TRMT11: variants seen among roughly 807,000 people sequenced by gnomAD.
TRMT11 encodes the protein tRNA (guanine(10)-N(2))-methyltransferase TRMT11.
In TRMT11, 53 loss-of-function variants were observed where a neutral mutation model predicts 62.8. That is an observed-to-expected ratio of 0.84 (90% CI 0.68 to 1.06). TRMT11 has a LOEUF of 1.06. Ranked by LOEUF, TRMT11 falls within the 50% of genes least tolerant of loss-of-function variation. The pLI, the probability that TRMT11 is intolerant of heterozygous loss-of-function variation, is 0.00. For synonymous variants in TRMT11, 188 were observed against 190.3 expected (o/e 0.99, Z 0.10); for missense variants, 556 against 553.4 (o/e 1.00, Z -0.05).
chr6:126,204,842 C>T (rs1778774559), downstream of TRMT11, among the ~76,000 whole-genome samples: 1 of 152,184 alleles, frequency 6.6e-6, no homozygotes, highest in Non-Finnish European at 1.5e-5. Flanking sequence ...AGGGATTAGT[C>T]AGCACATTGG....
At chr6:126,113,358 T>C (rs561410262) in intron 18 of TRMT11, among the ~76,000 whole-genome samples, 1 of 152,222 alleles carries the variant, frequency 6.6e-6, no homozygotes, top group Non-Finnish European at 1.5e-5. Context: ...GAGGCTAGTT[T>C]AATTTGTGAG....
At chr6:126,171,552 G>T (rs1365728180) in intron 21 of TRMT11, among the ~76,000 whole-genome samples, 2 of 151,930 alleles carry the variant, frequency 1.3e-5, no homozygotes, top group Non-Finnish European at 2.9e-5. Context: ...TTGAAACCAA[G>T]ATTTTTTTTT....
intron 17 of TRMT11, among the ~76,000 whole-genome samples, chr6:126,064,356 G>C (rs1035942645): frequency 1.3e-5 from 2 of 152,104 alleles, no homozygotes; most frequent in Non-Finnish European, 2.9e-5. Context: ...CTTGTAAACA[G>C]CTCCAGAAGG....
intron 17 of TRMT11, among the ~76,000 whole-genome samples, chr6:126,087,798 A>C (rs1025102075): frequency 1.3e-5 from 2 of 152,220 alleles, no homozygotes; most frequent in South Asian, 2.1e-4. Flanking sequence ...GAAATGCTGA[A>C]GTTTCTTCCT....
chr6:126,269,326 A>G, the TRMT11 span, among the ~76,000 whole-genome samples: 1 of 147,214 alleles, frequency 6.8e-6, no homozygotes, highest in African/African-American at 2.4e-5. Context: ...AGAAAAAAAT[A>G]TTTTCAAATT....
downstream of TRMT11, among the ~76,000 whole-genome samples, chr6:126,205,190 G>A (rs1356327824): frequency 6.6e-6 from 1 of 152,114 alleles, no homozygotes; most frequent in African/African-American, 2.4e-5. Context: ...TTATTTTCTT[G>A]CTCTCTAAAG....
intron 1 of TRMT11, among the ~76,000 whole-genome samples, chr6:126,188,947 A>G (rs1778559873): frequency 6.6e-6 from 1 of 152,150 alleles, no homozygotes; most frequent in Non-Finnish European, 1.5e-5. Flanking sequence ...GAGGAAGTAC[A>G]TTTTAAACAT....
intron 17 of TRMT11, among the ~76,000 whole-genome samples, chr6:126,082,534 A>G (rs1283067232): frequency 1.3e-5 from 2 of 151,974 alleles, no homozygotes; most frequent in Non-Finnish European, 2.9e-5. Context: ...TTTCTTTTTC[A>G]CATTGAAAAT....
chr6:126,210,519 G>A, the TRMT11 span, among the ~76,000 whole-genome samples: 7 of 152,162 alleles, frequency 4.6e-5, no homozygotes, highest in Non-Finnish European at 7.3e-5. Flanking sequence ...ATTGATACTT[G>A]ATACAATAGA....
intron 21 of TRMT11, among the ~76,000 whole-genome samples, chr6:126,142,353 T>A (rs1026994141): frequency 2.0e-5 from 3 of 152,132 alleles, no homozygotes; most frequent in Non-Finnish European, 4.4e-5. Flanking sequence ...TCAGATATAT[T>A]GTGATCACTT....
At chr6:126,253,480 G>A in the TRMT11 span, among the ~76,000 whole-genome samples, 1 of 152,092 alleles carries the variant, frequency 6.6e-6, no homozygotes, top group South Asian at 2.1e-4. Context: ...TGATTATCAA[G>A]GATTATGTAT....
At chr6:126,173,956 C>T (rs148802520), upstream of TRMT11, among the ~76,000 whole-genome samples, 504 of 152,206 alleles carry the variant, frequency 3.3e-3, 3 homozygotes, top group African/African-American at 0.012. Context: ...GGGAGCTATT[C>T]CTTCTCAACA....
At chr6:126,178,088 A>T (rs1194399478) in intron 1 of TRMT11, among the ~76,000 whole-genome samples, 1 of 152,216 alleles carries the variant, frequency 6.6e-6, no homozygotes, top group African/African-American at 2.4e-5. Context: ...TATGTTAAAA[A>T]ATACATAACA....
intron 16 of TRMT11, among the ~76,000 whole-genome samples, chr6:126,045,506 A>T (rs188613543): frequency 1.3e-5 from 2 of 152,288 alleles, no homozygotes; most frequent in South Asian, 4.1e-4. Context: ...CATGGTCCTC[A>T]ACTTCATTGC....
At chr6:126,188,411 C>T (rs1232856089) in intron 1 of TRMT11, among the ~76,000 whole-genome samples, 3 of 151,916 alleles carry the variant, frequency 2.0e-5, no homozygotes, top group Non-Finnish European at 4.4e-5. Flanking sequence ...CAAGAAAATG[C>T]AATTGAAAAC....
chr6:126,256,683 G>A, the TRMT11 span, among the ~76,000 whole-genome samples: 1 of 152,084 alleles, frequency 6.6e-6, no homozygotes, highest in Non-Finnish European at 1.5e-5. Context: ...AGGAAACATT[G>A]GTCCATAATA....
At chr6:126,241,982 G>A in the TRMT11 span, among the ~76,000 whole-genome samples, 8 of 152,294 alleles carry the variant, frequency 5.3e-5, no homozygotes, top group East Asian at 1.5e-3. Flanking sequence ...TAGGAAAAGA[G>A]GAAGTCAAAT....
chr6:126,045,547 T>C (rs1450576280), intron 16 of TRMT11, among the ~76,000 whole-genome samples: 1 of 152,230 alleles, frequency 6.6e-6, no homozygotes, highest in African/African-American at 2.4e-5. Context: ...GGGCAGTGGT[T>C]GCAGGCCAAG....
At chr6:126,238,920 ATAGT>A in the TRMT11 span, among the ~76,000 whole-genome samples, 1 of 152,066 alleles carries the variant, frequency 6.6e-6, no homozygotes, top group African/African-American at 2.4e-5. Flanking sequence ...TATATTTAGG[ATAGT>A]TAGTTCTTCT....
Sources: gnomAD v4.1 joint callset for allele counts (sites outside exome capture counted in the v4.1 genomes callset) on GRCh38, gnomAD v4.1.1 for gene constraint, MANE v1.5 for transcripts, NCBI Gene and HGNC (gene_info 2026-07-23, HGNC 2026-07-21) for gene names.